Variants in ARHGAP18 observed in about 807,000 individuals in gnomAD.
The protein encoded by ARHGAP18 is Rho GTPase activating protein 18, also known as rho GTPase-activating protein 18.
In ARHGAP18, 67 loss-of-function variants were observed where a neutral mutation model predicts 86.2. The ratio of observed to expected loss-of-function variants is 0.78; its 90% CI spans 0.64 to 0.95. ARHGAP18 has a LOEUF of 0.95. ARHGAP18 is among the 40% of genes least tolerant of loss of function. ARHGAP18 has a pLI of 0.00. For synonymous variants in ARHGAP18, 283 were observed against 280.4 expected, an observed-to-expected ratio of 1.01 and a Z score of -0.09; for missense variants, 691 against 780.4, an observed-to-expected ratio of 0.89 and a Z score of 1.37.
Position 129,629,367 on chromosome 6 carries a change from C to T in ARHGAP18, c.772G>A (p.Asp258Asn). The T allele has an allele frequency of 6.2e-7, 1 of 1,613,562 alleles. No homozygotes were observed. The change falls in exon 5 of 15, where the codon GAT (aspartate) becomes AAT (asparagine). Residue 258 changes from aspartate to asparagine, a missense_variant. By Grantham distance (23) the Asp-to-Asn change is conservative. Coordinates refer to ENST00000368149, the MANE Select transcript of ARHGAP18 (RefSeq NM_033515.3). ...GTACTACGTACAGGTAATGTGGCATCATCGCCTTTGCTCTTCTGGATTTTC... is the reference window on the plus strand; with the variant it reads ...GTACTACGTACAGGTAATGTGGCATTATCGCCTTTGCTCTTCTGGATTTTC... The part of the protein sequence containing the change: ...KEKIQKSKGD[D>N]ATLPSFRLPK...
At chr6:129,695,905 G>A (rs534484442) in intron 1 of ARHGAP18, among the ~76,000 whole-genome samples, 22 of 152,144 alleles carry the variant, frequency 1.4e-4, no homozygotes, top group African/African-American at 4.8e-4. Flanking sequence ...TCCTAGTCAC[G>A]TATCCTCTCC....
intron 12 of ARHGAP18, among the ~76,000 whole-genome samples, chr6:129,593,240 G>A (rs1290739484): frequency 6.6e-6 from 1 of 151,948 alleles, no homozygotes; most frequent in Non-Finnish European, 1.5e-5. Context: ...AGGGAGGATC[G>A]CTTCATGCCA....
chr6:129,678,388 T>C (rs920981139), intron 1 of ARHGAP18, among the ~76,000 whole-genome samples: 2 of 152,222 alleles, frequency 1.3e-5, no homozygotes, highest in Non-Finnish European at 2.9e-5. Context: ...GCAAAAATAT[T>C]GCTCAAACAT....
intron 3 of ARHGAP18, among the ~76,000 whole-genome samples, chr6:129,636,076 T>C (rs537122213): frequency 7.2e-5 from 11 of 152,346 alleles, no homozygotes; most frequent in Middle Eastern, 3.4e-3. Flanking sequence ...GGTTCTCCAA[T>C]TGGGAAGAAA....
At chr6:129,701,370 C>T (rs576939133) in intron 1 of ARHGAP18, among the ~76,000 whole-genome samples, 3 of 152,182 alleles carry the variant, frequency 2.0e-5, no homozygotes, top group African/African-American at 4.8e-5. Context: ...TACCCACAGA[C>T]CCTGCTTTTC....
intron 13 of ARHGAP18, among the ~76,000 whole-genome samples, chr6:129,581,559 C>T (rs1251323413): frequency 6.6e-6 from 1 of 152,126 alleles, no homozygotes; most frequent in African/African-American, 2.4e-5. Context: ...CAGACTGATT[C>T]TCAAGTACCT....
chr6:129,665,426 T>C (rs962220584), intron 1 of ARHGAP18, among the ~76,000 whole-genome samples: 27 of 152,106 alleles, frequency 1.8e-4, no homozygotes, highest in African/African-American at 6.5e-4. Flanking sequence ...GGTGCATGCC[T>C]GTAGTCACAG....
At chr6:129,586,597 T>C (rs1321022209) in intron 12 of ARHGAP18, among the ~76,000 whole-genome samples, 1 of 152,104 alleles carries the variant, frequency 6.6e-6, no homozygotes, top group Non-Finnish European at 1.5e-5. Flanking sequence ...TACCCAGCCC[T>C]AGAAGAAGGC....
At chr6:129,700,482 T>C (rs1472610056) in intron 1 of ARHGAP18, among the ~76,000 whole-genome samples, 2 of 152,264 alleles carry the variant, frequency 1.3e-5, no homozygotes, top group African/African-American at 4.8e-5. Context: ...TGAAATAATG[T>C]GAGCTATTTA....
At chr6:129,610,651 G>A (rs1398794371) in intron 8 of ARHGAP18, among the ~76,000 whole-genome samples, 2 of 151,738 alleles carry the variant, frequency 1.3e-5, no homozygotes, top group Admixed American at 6.6e-5. Flanking sequence ...CTTTTGAGAC[G>A]AAGTCTCGCA....
At chr6:129,640,498 C>A (rs1236761447) in intron 2 of ARHGAP18, among the ~76,000 whole-genome samples, 1 of 152,128 alleles carries the variant, frequency 6.6e-6, no homozygotes, top group Non-Finnish European at 1.5e-5. Flanking sequence ...ATAAGCTTGA[C>A]TTTATTGCTA....
intron 12 of ARHGAP18, among the ~76,000 whole-genome samples, chr6:129,597,302 A>G (rs576212430): frequency 2.5e-4 from 38 of 151,908 alleles, no homozygotes; most frequent in Non-Finnish European, 4.9e-4. Flanking sequence ...CGTCCAGCCA[A>G]TTTTTATATT....
intron 1 of ARHGAP18, among the ~76,000 whole-genome samples, chr6:129,666,393 CT>C (rs1774038301): frequency 6.6e-6 from 1 of 152,252 alleles, no homozygotes; most frequent in African/African-American, 2.4e-5. Flanking sequence ...TGGGGATTGG[CT>C]TCAGGGCTCC....
chr6:129,699,243 A>C (rs1047625267), intron 1 of ARHGAP18, among the ~76,000 whole-genome samples: 2 of 152,218 alleles, frequency 1.3e-5, no homozygotes, highest in African/African-American at 2.4e-5. Flanking sequence ...AATACTCCCA[A>C]ATCAATGACA....
chr6:129,659,444 G>A (rs1433160635), intron 1 of ARHGAP18, among the ~76,000 whole-genome samples: 1 of 149,914 alleles, frequency 6.7e-6, no homozygotes, highest in Non-Finnish European at 1.5e-5. Flanking sequence ...AGACAAGATA[G>A]GCCTAGAATT....
intron 1 of ARHGAP18, among the ~76,000 whole-genome samples, chr6:129,656,676 A>T (rs1773845052): frequency 6.6e-6 from 1 of 151,714 alleles, no homozygotes; most frequent in South Asian, 2.1e-4. Context: ...AATAAAAAAA[A>T]ATATCAATAG....
At chr6:129,639,599 T>C (rs1261542365) in intron 2 of ARHGAP18, among the ~76,000 whole-genome samples, 2 of 152,184 alleles carry the variant, frequency 1.3e-5, no homozygotes, top group African/African-American at 2.4e-5. Context: ...TATCACATGG[T>C]ATAGCACCTA....
intron 12 of ARHGAP18, among the ~76,000 whole-genome samples, chr6:129,585,284 A>AAAAT (rs1322903008): frequency 2.0e-5 from 3 of 151,986 alleles, no homozygotes; most frequent in Admixed American, 1.3e-4. Flanking sequence ...CTCCATCTCA[A>AAAAT]AAATAAATAA....
chr6:129,604,603 G>A (rs911659632), intron 10 of ARHGAP18, among the ~76,000 whole-genome samples: 2 of 149,858 alleles, frequency 1.3e-5, no homozygotes, highest in African/African-American at 4.9e-5. Context: ...TTTGTCCTGG[G>A]CCATATGTCC....
Sources: allele counts gnomAD v4.1 joint callset (sites outside exome capture counted in the v4.1 genomes callset), GRCh38; gene constraint gnomAD v4.1.1; transcripts MANE v1.5; gene names NCBI Gene and HGNC (gene_info 2026-07-23, HGNC 2026-07-21).